Variants in RPS6KC1 observed in about 807,000 individuals in gnomAD.
RPS6KC1 encodes ribosomal protein S6 kinase C1, also known as inactive ribosomal protein S6 kinase delta-1.
Under a neutral mutation model 103.8 loss-of-function variants are expected in RPS6KC1, and 54 were observed. That is an observed-to-expected ratio of 0.52 (90% confidence interval 0.42 to 0.65). The LOEUF (loss-of-function observed/expected upper bound fraction) is 0.65, where lower values mean the gene tolerates loss of function less well. Among genes scored for constraint, RPS6KC1 ranks in the 30% least tolerant of loss-of-function variants. The pLI is 0.00. For synonymous variants in RPS6KC1, 439 were observed against 438.7 expected, an observed-to-expected ratio of 1.00 and a Z score of -0.01; for missense variants, 1,151 against 1,253.8, an observed-to-expected ratio of 0.92 and a Z score of 1.24.
chr1:213,734,206 G>A, the RPS6KC1 span, among the ~76,000 whole-genome samples: 3 of 152,184 alleles, frequency 2.0e-5, no homozygotes, highest in African/African-American at 7.2e-5. Context: ...TTTTCTTAGG[G>A]TGGCTGTATG....
intron 4 of RPS6KC1, 85 bp downstream of exon 4, chr1:213,104,654 G>C (rs1274599006): frequency 3.1e-6 from 2 of 639,140 alleles, no homozygotes; most frequent in Non-Finnish European, 5.1e-6. Flanking sequence ...TGCCACTTTT[G>C]AATTTCGTTA....
chr1:213,333,796 T>C, the RPS6KC1 span, among the ~76,000 whole-genome samples: 1 of 152,066 alleles, frequency 6.6e-6, no homozygotes, highest in Non-Finnish European at 1.5e-5. Context: ...TCAGGAGCGA[T>C]TCAGCCTCCT....
the RPS6KC1 span, among the ~76,000 whole-genome samples, chr1:213,437,163 T>TAAGG: frequency 4.0e-4 from 61 of 152,246 alleles, no homozygotes; most frequent in African/African-American, 1.4e-3. Context: ...TTTATCAAAT[T>TAAGG]AAGGAAGTTC....
chr1:213,703,238 A>G, the RPS6KC1 span, among the ~76,000 whole-genome samples: 1 of 152,144 alleles, frequency 6.6e-6, no homozygotes, highest in Non-Finnish European at 1.5e-5. Flanking sequence ...TAAAAACTCT[A>G]CACTTTAACT....
chr1:213,191,291 C>A (rs139650223), intron 8 of RPS6KC1, among the ~76,000 whole-genome samples: 11 of 152,046 alleles, frequency 7.2e-5, no homozygotes, highest in African/African-American at 2.7e-4. Context: ...ATATCTTTCC[C>A]TTTTTTTGTG....
At chr1:213,803,927 C>G in the RPS6KC1 span, among the ~76,000 whole-genome samples, 4 of 120,296 alleles carry the variant, frequency 3.3e-5, no homozygotes, top group African/African-American at 1.3e-4. Context: ...CTTAAAACCC[C>G]TTTCTCGGGA....
Position 213,054,954 on chromosome 1 carries a change from T to C in RPS6KC1, c.105+3445T>C, listed in dbSNP as rs186617687. Among the ~76,000 whole-genome samples the C allele has an allele frequency of 4.6e-5, 7 of 152,362 alleles. No homozygotes were observed. The East Asian group carries it at 1.3e-3, about 29-fold the overall frequency. On this transcript the variant is annotated intron_variant, in intron 1 of 14. Transcript: ENST00000366960. The stretch of plus-strand genomic sequence containing the variant: ...ATGCTAAGTTTACAAAATTCTCATA[T>C]TGTAGTATAGATTTCTCAGCAACAG...
the RPS6KC1 span, among the ~76,000 whole-genome samples, chr1:213,765,642 G>A: frequency 1.9e-3 from 287 of 152,002 alleles, no homozygotes; most frequent in African/African-American, 6.4e-3. Context: ...GCAAATAAAC[G>A]TCAGGCACAT....
At chr1:213,657,079 C>T in the RPS6KC1 span, among the ~76,000 whole-genome samples, 5 of 152,188 alleles carry the variant, frequency 3.3e-5, no homozygotes, top group East Asian at 1.9e-4. Context: ...AAGTATTCAA[C>T]TATAAATTAA....
At chr1:213,147,565 T>G (rs113264354) in intron 6 of RPS6KC1, among the ~76,000 whole-genome samples, 2,250 of 152,348 alleles carry the variant, frequency 0.015, 23 homozygotes, top group Middle Eastern at 0.027. Context: ...GTGTCTGTTT[T>G]GATGCTGGTA....
intron 3 of RPS6KC1, among the ~76,000 whole-genome samples, chr1:213,091,355 C>A (rs570631581): frequency 6.6e-6 from 1 of 151,898 alleles, no homozygotes; most frequent in Non-Finnish European, 1.5e-5. Flanking sequence ...CCACCGCGCC[C>A]GGCCTGGGAG....
the RPS6KC1 span, among the ~76,000 whole-genome samples, chr1:213,562,557 C>T: frequency 0.9 from 137,077 of 151,646 alleles, 62,171 homozygotes; most frequent in East Asian, 0.98. Context: ...GCCCGGCTAA[C>T]TTTTTGTATT....
At chr1:213,596,694 T>G in the RPS6KC1 span, among the ~76,000 whole-genome samples, 7 of 152,242 alleles carry the variant, frequency 4.6e-5, no homozygotes, top group African/African-American at 1.7e-4. Context: ...AAAACTTTAC[T>G]TTTGAAGAAT....
intron 8 of RPS6KC1, among the ~76,000 whole-genome samples, chr1:213,219,170 A>T (rs2093754256): frequency 6.6e-6 from 1 of 151,990 alleles, no homozygotes; most frequent in Non-Finnish European, 1.5e-5. Flanking sequence ...TTACAAGAAA[A>T]ATGTAACCCC....
At chr1:213,439,342 C>A in the RPS6KC1 span, among the ~76,000 whole-genome samples, 1,257 of 142,824 alleles carry the variant, frequency 8.8e-3, 17 homozygotes, top group Non-Finnish European at 0.013. Context: ...TTCTTCTTGG[C>A]AGACACATTG....
At chr1:213,733,812 T>C in the RPS6KC1 span, among the ~76,000 whole-genome samples, 1 of 152,204 alleles carries the variant, frequency 6.6e-6, no homozygotes, top group Non-Finnish European at 1.5e-5. Flanking sequence ...AAGGCTTCTA[T>C]GAGAGAGTGC....
the RPS6KC1 span, among the ~76,000 whole-genome samples, chr1:213,823,726 C>CACACACACA: frequency 1.4e-5 from 2 of 146,278 alleles, no homozygotes; most frequent in African/African-American, 5.2e-5. Context: ...GCTATCACAG[C>CACACACACA]CACACACACA....
the RPS6KC1 span, among the ~76,000 whole-genome samples, chr1:213,358,154 G>GT: frequency 6.6e-6 from 1 of 151,964 alleles, no homozygotes; most frequent in Non-Finnish European, 1.5e-5. Flanking sequence ...CTCATGAAAT[G>GT]AGTTAGGGAG....
the RPS6KC1 span, among the ~76,000 whole-genome samples, chr1:213,754,236 C>G: frequency 3.2e-4 from 49 of 152,174 alleles, 1 homozygote; most frequent in African/African-American, 1.1e-3. Context: ...TTGTGGATGG[C>G]CGTCTTCTCT....
Sources: gnomAD v4.1 joint callset for allele counts (sites outside exome capture counted in the v4.1 genomes callset) on GRCh38, gnomAD v4.1.1 for gene constraint, MANE v1.5 for transcripts, NCBI Gene and HGNC (gene_info 2026-07-23, HGNC 2026-07-21) for gene names.